Variants in ADCK1 observed in about 807,000 individuals in gnomAD.
ADCK1 encodes aarF domain-containing protein kinase 1.
Under a neutral mutation model 52.3 loss-of-function variants are expected in ADCK1, and 41 were observed. The observed-to-expected ratio is 0.78, with a 90% CI of 0.61 to 1.02. The LOEUF is 1.02. Among genes scored for constraint, ADCK1 ranks in the 50% least tolerant of loss-of-function variants. The pLI is 0.00. For missense variants in ADCK1, 658 were observed against 679.5 expected (o/e 0.97, Z 0.35); for synonymous variants, 250 against 274.6 (o/e 0.91, Z 0.89).
At chr14:77,877,284 T>G (rs1367415308) in intron 4 of ADCK1, among the ~76,000 whole-genome samples, 4 of 152,236 alleles carry the variant, frequency 2.6e-5, no homozygotes, top group Admixed American at 6.5e-5. Flanking sequence ...CATCATAGCT[T>G]AGGCACATTT....
chr14:77,817,972 T>G (rs1264490955), intron 1 of ADCK1, among the ~76,000 whole-genome samples: 1 of 151,808 alleles, frequency 6.6e-6, no homozygotes, highest in South Asian at 2.1e-4. Flanking sequence ...TCTCCTGACC[T>G]TGTGATCTGC....
At chr14:77,900,412 C>A (rs1432388541) in intron 6 of ADCK1, 3 of 311,660 alleles carry the variant, frequency 9.6e-6, no homozygotes, top group Non-Finnish European at 1.9e-5. Context: ...CATGGTGAAA[C>A]CCTGTCTCTA....
At chr14:77,869,737 G>A (rs1157723737) in intron 4 of ADCK1, among the ~76,000 whole-genome samples, 4 of 152,202 alleles carry the variant, frequency 2.6e-5, no homozygotes, top group Non-Finnish European at 5.9e-5. Flanking sequence ...GCCTTGGGGT[G>A]TCTTCTGGGA....
chr14:77,898,636 G>A (rs1421012577), intron 5 of ADCK1, among the ~76,000 whole-genome samples: 1 of 152,110 alleles, frequency 6.6e-6, no homozygotes, highest in Admixed American at 6.5e-5. Context: ...CCTGGGGCCT[G>A]TTGGGCGACG....
At chr14:77,888,146 T>C (rs1419591424) in intron 5 of ADCK1, among the ~76,000 whole-genome samples, 31 of 152,030 alleles carry the variant, frequency 2.0e-4, no homozygotes. Context: ...TGTGCCTGGA[T>C]GGATGGGGCA....
In ADCK1 at chr14:77,860,285, T is replaced by C. The variant is rs373320811; in HGVS notation, c.423+1006T>C. Among the ~76,000 whole-genome samples the C allele has an allele frequency of 1.6e-3, 245 of 152,340 alleles. 2 individuals are homozygous for C. In the Middle Eastern group the frequency reaches 0.02, roughly 13 times the overall value. ...AGTCCTTTTACTCTGTATTTACAGC[T>C]CTGGAACAGTACCTAGCAGGTGCCC... On this transcript the variant is annotated intron_variant, in intron 4 of 10. Transcript: ENST00000238561.
At chr14:77,886,705 G>C (rs1327357406) in intron 4 of ADCK1, among the ~76,000 whole-genome samples, 1 of 151,978 alleles carries the variant, frequency 6.6e-6, no homozygotes, top group Non-Finnish European at 1.5e-5. Flanking sequence ...GAGGTGGGTG[G>C]GTCACTTGAG....
chr14:77,850,091 C>G (rs552886489), intron 3 of ADCK1, among the ~76,000 whole-genome samples: 11 of 152,240 alleles, frequency 7.2e-5, no homozygotes, highest in African/African-American at 2.6e-4. Context: ...CCTGTAGTCT[C>G]AGCTACTGGG....
Position 77,801,218 on chromosome 14 carries a change from G to A in ADCK1, c.-12+1048G>A, listed in dbSNP as rs75599095. Among the ~76,000 whole-genome samples the A allele has an allele frequency of 5.6e-3, 854 of 152,302 alleles. 2 individuals carry two copies. The highest frequency in any genetic ancestry group is 0.019 in the South Asian group (91 of 4,828). On this transcript the variant is annotated intron_variant, in intron 1 of 10. Transcript: ENST00000238561. The stretch of plus-strand genomic sequence containing the variant: ...TTCTGATTCTGTAAGTCTGGTATGA[G>A]GACCAAGAATTGGCGTTTCTAACAT...
At chr14:77,880,209 G>T (rs921486519) in intron 4 of ADCK1, among the ~76,000 whole-genome samples, 1 of 152,256 alleles carries the variant, frequency 6.6e-6, no homozygotes, top group African/African-American at 2.4e-5. Flanking sequence ...AAAGAAGCTT[G>T]GTCTGACCTG....
chr14:77,855,182 A>T (rs2082392784), intron 3 of ADCK1, among the ~76,000 whole-genome samples: 1 of 152,186 alleles, frequency 6.6e-6, no homozygotes. Flanking sequence ...GAGACTTGTG[A>T]GTAAAGGCTT....
At chr14:77,899,465 C>G (rs973704187) in intron 6 of ADCK1, among the ~76,000 whole-genome samples, 2 of 152,108 alleles carry the variant, frequency 1.3e-5, no homozygotes, top group African/African-American at 4.8e-5. Flanking sequence ...GATTGTTGAC[C>G]CATTAGTCAA....
intron 5 of ADCK1, among the ~76,000 whole-genome samples, chr14:77,895,910 A>G (rs2083399809): frequency 6.6e-6 from 1 of 152,178 alleles, no homozygotes; most frequent in Admixed American, 6.5e-5. Flanking sequence ...GTGACATTCC[A>G]TAAATCTGAG....
chr14:77,880,714 A>G (rs1425184610), intron 4 of ADCK1, among the ~76,000 whole-genome samples: 1 of 152,062 alleles, frequency 6.6e-6, no homozygotes, highest in Non-Finnish European at 1.5e-5. Context: ...TTCTTTCAGG[A>G]TTGGAGGAAG....
chr14:77,874,562 A>G (rs2082856634), intron 4 of ADCK1, among the ~76,000 whole-genome samples: 1 of 152,140 alleles, frequency 6.6e-6, no homozygotes, highest in Non-Finnish European at 1.5e-5. Flanking sequence ...GGGGTGGGGC[A>G]GGTGCTGGGC....
At chr14:77,884,016 G>T (rs1158762316) in intron 4 of ADCK1, among the ~76,000 whole-genome samples, 1 of 152,188 alleles carries the variant, frequency 6.6e-6, no homozygotes, top group East Asian at 1.9e-4. Context: ...TCACCTCCCT[G>T]TGGGGTGCTC....
intron 1 of ADCK1, among the ~76,000 whole-genome samples, 176 bp from the exon 2 acceptor site, chr14:77,818,792 C>G (rs1329039037): frequency 1.3e-5 from 2 of 152,108 alleles, no homozygotes; most frequent in African/African-American, 4.8e-5. Flanking sequence ...TCATTTTATC[C>G]CAACTACTTT....
intron 2 of ADCK1, among the ~76,000 whole-genome samples, chr14:77,820,487 C>A (rs950676753): frequency 1.3e-5 from 2 of 151,766 alleles, no homozygotes; most frequent in Non-Finnish European, 2.9e-5. Flanking sequence ...CCTGACACCA[C>A]ACCTGGCCAA....
chr14:77,821,891 G>GAAAAAAAAA (rs35265585), intron 2 of ADCK1, among the ~76,000 whole-genome samples: 1 of 109,602 alleles, frequency 9.1e-6, no homozygotes, highest in African/African-American at 3.8e-5. Flanking sequence ...CTCTGTCTCA[G>GAAAAAAAAA]AAAAAAAAAA....
Sources: allele counts gnomAD v4.1 joint callset (sites outside exome capture counted in the v4.1 genomes callset), GRCh38; gene constraint gnomAD v4.1.1; transcripts MANE v1.5; gene names NCBI Gene and HGNC (gene_info 2026-07-23, HGNC 2026-07-21).